The following ZNF440 variants were observed in gnomAD, a reference collection of about 807,000 sequenced individuals.
The protein encoded by ZNF440 is zinc finger protein 440.
In ZNF440, 47 loss-of-function variants were observed where a neutral mutation model predicts 49.7. That is an observed-to-expected ratio of 0.95 (90% CI 0.75 to 1.21). The LOEUF (loss-of-function observed/expected upper bound fraction) is 1.21, where lower values mean the gene tolerates loss of function less well. ZNF440 is among the 50% of genes most tolerant of loss of function. ZNF440 has a pLI of 0.00. For missense variants in ZNF440, 703 were observed against 715.0 expected (o/e 0.98, Z 0.19); for synonymous variants, 255 against 237.7 (o/e 1.07, Z -0.67).
intron 1 of ZNF440, among the ~76,000 whole-genome samples, chr19:11,823,903 G>A (rs2685668): frequency 0.01 from 1,533 of 151,910 alleles, 27 homozygotes; most frequent in African/African-American, 0.035. Flanking sequence ...CCAAGGTTGC[G>A]GTAAGCCAAG....
At chr19:11,826,214 T>A (rs1975864285) in intron 1 of ZNF440, among the ~76,000 whole-genome samples, 1 of 152,198 alleles carries the variant, frequency 6.6e-6, no homozygotes, top group Non-Finnish European at 1.5e-5. Flanking sequence ...TTGAGCCTGG[T>A]GTCACGCCTC....
intron 1 of ZNF440, 119 bp from the exon 2 acceptor site, chr19:11,830,164 C>A: frequency 6.5e-7 from 1 of 1,526,732 alleles, no homozygotes; most frequent in African/African-American, 1.4e-5. Flanking sequence ...ATCTGATGAC[C>A]AAAGCAGGGA....
chr19:11,830,310 G>A lies in ZNF440; in HGVS notation c.31G>A (p.Val11Met). ...CCCAGTGGCTTTTAAGGATGTGGCTGTGAACTTCACCCAGGAGGAGTGGGC... is the reference window on the plus strand; with the variant it reads ...CCCAGTGGCTTTTAAGGATGTGGCTATGAACTTCACCCAGGAGGAGTGGGC... Reference protein sequence around the residue: MDPVAFKDVAVNFTQEEWALL... With the variant: MDPVAFKDVAMNFTQEEWALL... Residue 11 changes from valine to methionine, a missense_variant, in exon 2 of 4, where the codon GTG becomes ATG. By Grantham distance (21) the Val-to-Met change is conservative. Coordinates refer to ENST00000304060, the MANE Select transcript of ZNF440 (RefSeq NM_152357.3). The A allele has an allele frequency of 6.2e-7, 1 of 1,614,214 alleles. No individual in the cohort carries two copies. Among genetic ancestry groups the A allele is most frequent in the South Asian group, 1.1e-5 (1 of 91,082 alleles).
intron 1 of ZNF440, chr19:11,817,452 C>G (rs1568238248): frequency 6.6e-6 from 1 of 152,140 alleles, no homozygotes; most frequent in Admixed American, 6.6e-5. Flanking sequence ...CAAAAATTAG[C>G]CGGGTGTGGT....
intron 1 of ZNF440, among the ~76,000 whole-genome samples, chr19:11,825,065 C>G (rs1064147): frequency 1.3e-5 from 2 of 151,956 alleles, no homozygotes; most frequent in Non-Finnish European, 2.9e-5. Flanking sequence ...TACCTGTAAT[C>G]CTACCACTTA....
At chr19:11,820,476 C>A (rs1975786132) in intron 1 of ZNF440, among the ~76,000 whole-genome samples, 2 of 152,156 alleles carry the variant, frequency 1.3e-5, no homozygotes, top group Admixed American at 1.3e-4. Flanking sequence ...CCTCGGCCTC[C>A]CAAAGTGCTG....
At position 11,832,722 on chromosome 19, in the gene ZNF440, A is replaced by G; in HGVS notation, c.1546A>G (p.Asn516Asp). Residue 516 changes from asparagine (N) to aspartate (D), a missense_variant, in exon 4 of 4, where the codon AAT (asparagine) becomes GAT (aspartate). By Grantham distance (23) the Asn-to-Asp change is conservative. Coordinates refer to ENST00000304060, the MANE Select transcript of ZNF440 (RefSeq NM_152357.3). ...ACTCACACTGGAGAGAAGCCCTATAAATGCGAGCAATGTGGGAAAGCCTTC... is the reference window on the plus strand; with the variant it reads ...ACTCACACTGGAGAGAAGCCCTATAGATGCGAGCAATGTGGGAAAGCCTTC... ...KGLTLERSPINASNVGKPSEL... is the reference protein window; with the variant it reads ...KGLTLERSPIDASNVGKPSEL... 6.2e-7 allele frequency: 1 copy of G among 1,613,588 alleles called. No homozygotes were observed. The highest frequency in any genetic ancestry group is 8.5e-7 in the Non-Finnish European group (1 of 1,179,872).
chr19:11,819,753 C>T (rs1975776453), intron 1 of ZNF440, among the ~76,000 whole-genome samples: 1 of 152,222 alleles, frequency 6.6e-6, no homozygotes, highest in Admixed American at 6.5e-5. Flanking sequence ...GTCATGTAAT[C>T]ACAGGTTAAT....
chr19:11,832,453 G>T lies in ZNF440; in HGVS notation c.1277G>T (p.Cys426Phe). ...RTHTGEKPYE[C>F]KECGKAFRYV... ...CACACTGGAGAGAAACCGTATGAAT[G>T]TAAGGAATGTGGGAAAGCCTTCAGA... The change falls in exon 4 of 4, where the codon TGT (cysteine) becomes TTT (phenylalanine). Residue 426 changes from cysteine to phenylalanine, a missense_variant. Transcript: ENST00000304060. 2 of 1,613,850 alleles carry T rather than the reference G, an allele frequency of 1.2e-6. No individual in the cohort carries two copies. Among genetic ancestry groups the T allele is most frequent in the African/African-American group, 2.7e-5 (2 of 74,930 alleles).
intron 1 of ZNF440, among the ~76,000 whole-genome samples, chr19:11,827,333 G>A (rs1256682921): frequency 6.6e-6 from 1 of 152,020 alleles, no homozygotes; most frequent in Non-Finnish European, 1.5e-5. Flanking sequence ...AAAGTGCTGG[G>A]ATTAAGGCAT....
At chr19:11,817,129 T>TGG (rs1568238125) in intron 1 of ZNF440, 1 of 152,176 alleles carries the variant, frequency 6.6e-6, no homozygotes. Context: ...ATGGCCCATT[T>TGG]GGGAAAAACA....
At chr19:11,825,448 A>G (rs1383304685) in intron 1 of ZNF440, among the ~76,000 whole-genome samples, 1 of 142,582 alleles carries the variant, frequency 7.0e-6, no homozygotes, top group African/African-American at 2.9e-5. Context: ...TTCTAATCAT[A>G]CCTCTCCCCT....
chr19:11,817,882 A>C (rs955194577), intron 1 of ZNF440, among the ~76,000 whole-genome samples: 2 of 152,298 alleles, frequency 1.3e-5, no homozygotes, highest in African/African-American at 4.8e-5. Flanking sequence ...ACTATCCTTT[A>C]CATTTTAGTG....
At chr19:11,815,513 A>G (rs1437158999) in intron 1 of ZNF440, among the ~76,000 whole-genome samples, 1 of 152,186 alleles carries the variant, frequency 6.6e-6, no homozygotes, top group Non-Finnish European at 1.5e-5. Context: ...AAAGTAATTT[A>G]TCATCTCTGA....
At chr19:11,826,997 G>A (rs1475823982) in intron 1 of ZNF440, among the ~76,000 whole-genome samples, 1 of 151,688 alleles carries the variant, frequency 6.6e-6, no homozygotes, top group Admixed American at 6.6e-5. Flanking sequence ...ATGTAATGTA[G>A]AGCATCCTGT....
In ZNF440 at chr19:11,830,426, T is replaced by G. The variant is rs763597746; in HGVS notation, c.130+17T>G. On this transcript the variant is annotated intron_variant, in intron 2 of 3. Transcript: ENST00000304060. ...CCTCTTTAGGTAAGGATGACAATAT[T>G]CCTTCCCTCAGTCCATTAGTGAACC... 7 of 1,613,506 alleles carry G rather than the reference T, an allele frequency of 4.3e-6. No individual in the cohort carries two copies. The East Asian group carries it at 1.6e-4, about 36-fold the overall frequency.
intron 1 of ZNF440, among the ~76,000 whole-genome samples, chr19:11,821,917 G>A (rs1005864797): frequency 1.3e-5 from 2 of 152,240 alleles, no homozygotes; most frequent in Non-Finnish European, 2.9e-5. Context: ...GGAGATGAGG[G>A]CAGCACAGCT....
rs770725775 is a variant in ZNF440, at chr19:11,831,599, A to G, written c.423A>G (p.Pro141=). ...HKAYEYQEYG[P]KPCKCQQPKK... Reference sequence around the variant, plus strand: ...CATATGAGTATCAGGAATATGGACCAAAGCCATGTAAGTGTCAACAACCTA... The same window carrying G: ...CATATGAGTATCAGGAATATGGACCGAAGCCATGTAAGTGTCAACAACCTA... Residue 141 remains proline (P), a synonymous_variant, in exon 4 of 4, where the codon CCA becomes CCG. Transcript: ENST00000304060. 10 of 1,614,176 alleles carry G rather than the reference A, an allele frequency of 6.2e-6. No homozygotes were observed. The highest frequency in any genetic ancestry group is 1.6e-4 in the Middle Eastern group (1 of 6,062).
In ZNF440 at chr19:11,832,584, C is replaced by G. The variant is rs1483378925; in HGVS notation, c.1408C>G (p.Pro470Ala). ...GATATGTGGGAAAGGCTTTTATTGT[C>G]CCAAATCATTTCAAAGACATGAAAA... ...CKICGKGFYC[P>A]KSFQRHEKTH... is the part of the protein sequence containing the mutation. The change falls in exon 4 of 4, where the codon CCC (proline) becomes GCC (alanine). Residue 470 changes from proline (P) to alanine (A), a missense_variant. Coordinates refer to ENST00000304060, the MANE Select transcript of ZNF440 (RefSeq NM_152357.3). 1 of 1,612,818 alleles carries G rather than the reference C, an allele frequency of 6.2e-7. No individual in the cohort carries two copies. Among genetic ancestry groups the G allele is most frequent in the South Asian group, 1.1e-5 (1 of 90,978 alleles).
Sources: gnomAD v4.1 joint callset for allele counts (sites outside exome capture counted in the v4.1 genomes callset) on GRCh38, gnomAD v4.1.1 for gene constraint, MANE v1.5 for transcripts, NCBI Gene and HGNC (gene_info 2026-07-23, HGNC 2026-07-21) for gene names.